FGGY: variants seen among roughly 807,000 people sequenced by gnomAD.
FGGY encodes FGGY carbohydrate kinase domain containing.
A neutral mutation model predicts 71.3 loss-of-function variants in FGGY; 72 were observed. That is an observed-to-expected ratio of 1.01 (90% CI 0.84 to 1.23). The LOEUF is 1.23. FGGY is among the 50% of genes most tolerant of loss of function. The pLI, the probability that FGGY is intolerant of heterozygous loss-of-function variation, is 0.00. For missense variants in FGGY, 668 were observed against 682.3 expected (o/e 0.98, Z 0.23); for synonymous variants, 251 against 250.3 (o/e 1.00, Z -0.02).
chr1:59,600,049 C>G (rs1571927293), intron 8 of FGGY, among the ~76,000 whole-genome samples: 1 of 152,238 alleles, frequency 6.6e-6, no homozygotes, highest in South Asian at 2.1e-4. Context: ...ATGAAAGATT[C>G]TCTGAGTGAC....
intron 6 of FGGY, among the ~76,000 whole-genome samples, chr1:59,457,502 T>G (rs971069525): frequency 6.6e-6 from 1 of 152,024 alleles, no homozygotes; most frequent in Admixed American, 6.6e-5. Flanking sequence ...TGTCAGCTAC[T>G]CCGGAGGCTG....
At chr1:59,423,331 T>TC (rs1274304114) in intron 5 of FGGY, among the ~76,000 whole-genome samples, 5 of 152,196 alleles carry the variant, frequency 3.3e-5, no homozygotes, top group African/African-American at 4.8e-5. Context: ...GATTTTTTTT[T>TC]CTTTGGCACC....
intron 15 of FGGY, among the ~76,000 whole-genome samples, chr1:59,760,242 G>A (rs555086746): frequency 5.9e-5 from 9 of 152,256 alleles, no homozygotes; most frequent in African/African-American, 1.9e-4. Context: ...CAAAACTACC[G>A]TGAGGTACCA....
intron 6 of FGGY, among the ~76,000 whole-genome samples, chr1:59,509,649 T>C (rs1352630581): frequency 9.2e-5 from 14 of 152,156 alleles, no homozygotes; most frequent in African/African-American, 2.4e-5. Flanking sequence ...CTGTCCTTGC[T>C]CAAGACGCAT....
chr1:59,380,221 G>A lies in FGGY; in HGVS notation c.554+1384G>A, dbSNP rs1571329305. On this transcript the variant is annotated intron_variant, in intron 5 of 15. Transcript: ENST00000303721. ...TCATGGACATTTGGGTTGATTCCAAGTCTTTGCTATTGTGAATAGTGCCAC... is the reference window on the plus strand; with the variant it reads ...TCATGGACATTTGGGTTGATTCCAAATCTTTGCTATTGTGAATAGTGCCAC... Among the ~76,000 whole-genome samples, 7 of 151,624 alleles carry A rather than the reference G, an allele frequency of 4.6e-5. No homozygotes were observed. In the East Asian group the frequency reaches 1.3e-3, roughly 29 times the overall value.
intron 6 of FGGY, among the ~76,000 whole-genome samples, chr1:59,467,351 G>C (rs907893793): frequency 6.6e-6 from 1 of 152,038 alleles, no homozygotes; most frequent in African/African-American, 2.4e-5. Flanking sequence ...CCTGTCGTGG[G>C]GTGGGGGAAT....
intron 7 of FGGY, among the ~76,000 whole-genome samples, chr1:59,553,653 G>A (rs76274856): frequency 0.067 from 10,261 of 152,238 alleles, 738 homozygotes; most frequent in African/African-American, 0.18. Flanking sequence ...GAGATGTGAT[G>A]TGTTAAACCA....
At chr1:59,305,223 G>A (rs1360414579) in intron 1 of FGGY, among the ~76,000 whole-genome samples, 1 of 152,096 alleles carries the variant, frequency 6.6e-6, no homozygotes, top group Non-Finnish European at 1.5e-5. Flanking sequence ...TAATGTTGAG[G>A]TGGATTCCTT....
At chr1:59,323,540 A>G (rs2046782485) in intron 2 of FGGY, among the ~76,000 whole-genome samples, 1 of 152,196 alleles carries the variant, frequency 6.6e-6, no homozygotes, top group Admixed American at 6.5e-5. Context: ...GGAGGGAAGC[A>G]TTTTTATGTT....
chr1:59,443,805 G>A (rs891042934), intron 5 of FGGY, among the ~76,000 whole-genome samples: 1 of 152,190 alleles, frequency 6.6e-6, no homozygotes, highest in African/African-American at 2.4e-5. Context: ...GAGTGACACT[G>A]GGAAATAGTT....
At chr1:59,297,683 C>T (rs1482987457) in intron 1 of FGGY, among the ~76,000 whole-genome samples, 3 of 151,986 alleles carry the variant, frequency 2.0e-5, no homozygotes, top group Non-Finnish European at 4.4e-5. Context: ...ATTAGCCGGG[C>T]GTGGTGGCGG....
chr1:59,731,363 G>T (rs1011540662), intron 14 of FGGY, among the ~76,000 whole-genome samples: 2 of 152,166 alleles, frequency 1.3e-5, no homozygotes, highest in African/African-American at 2.4e-5. Context: ...AAGGCCTATT[G>T]TGGAAAGTGT....
chr1:59,358,122 A>G (rs1282449659), intron 4 of FGGY, among the ~76,000 whole-genome samples: 1 of 152,230 alleles, frequency 6.6e-6, no homozygotes, highest in East Asian at 1.9e-4. Flanking sequence ...TAGCGTGTAA[A>G]CTGTCAACTT....
chr1:59,452,330 A>G (rs141702363), intron 5 of FGGY, among the ~76,000 whole-genome samples: 23 of 152,278 alleles, frequency 1.5e-4, no homozygotes, highest in Non-Finnish European at 2.6e-4. Context: ...GTCATATGTC[A>G]TATTTCATTT....
rs145856135 is a variant in FGGY, at chr1:59,413,968, C to T, written c.554+35131C>T. Among the ~76,000 whole-genome samples, 681 of 152,232 alleles carry T rather than the reference C, an allele frequency of 4.5e-3. 5 individuals are homozygous for T. The highest frequency in any genetic ancestry group is 0.015 in the African/African-American group (633 of 41,552). On this transcript the variant is annotated intron_variant, in intron 5 of 15. Coordinates refer to ENST00000303721, the MANE Select transcript of FGGY (RefSeq NM_018291.5). ...AGAGTGAGATTTCATCTCAAAAAAA[C>T]CCAAAAAACAGATTTGGCAGTGCTG...
Position 59,746,717 on chromosome 1 carries a change from A to T in FGGY, c.1513-11214A>T, listed in dbSNP as rs548330546. ...CCCTATCTTGCCCAGGCTGGTTTCA[A>T]ACTCGTTTCAAGCGATCCTCCCACC... On this transcript the variant is annotated intron_variant, in intron 14 of 15. Transcript: ENST00000303721. 3.3e-5 allele frequency among the ~76,000 whole-genome samples: 5 copies of T among 152,102 alleles called. No individual in the cohort carries two copies. In the South Asian group the frequency reaches 8.3e-4, roughly 25 times the overall value.
At chr1:59,661,601 G>A (rs1273616669) in intron 12 of FGGY, among the ~76,000 whole-genome samples, 2 of 152,186 alleles carry the variant, frequency 1.3e-5, no homozygotes, top group Non-Finnish European at 2.9e-5. Flanking sequence ...GAGAAAAAAA[G>A]TGTGCATCAG....
rs141567807 is a variant in FGGY, at chr1:59,732,106, C to A, written c.1513-25825C>A. On this transcript the variant is annotated intron_variant, in intron 14 of 15. Transcript: ENST00000303721. The stretch of plus-strand genomic sequence containing the variant: ...AATTGCTGAGTTGCCGCACACAAAG[C>A]ATCTGGTCCAGTTCCTGGCACAGAG... 2.0e-5 allele frequency among the ~76,000 whole-genome samples: 3 copies of A among 152,302 alleles called. No individual in the cohort carries two copies. The East Asian group carries it at 5.8e-4, about 29-fold the overall frequency.
intron 8 of FGGY, among the ~76,000 whole-genome samples, chr1:59,578,790 A>G (rs2096130695): frequency 6.6e-6 from 1 of 152,060 alleles, no homozygotes; most frequent in African/African-American, 2.4e-5. Flanking sequence ...CAGAACACAC[A>G]CAAGGCTGGG....
Sources: gnomAD v4.1 joint callset for allele counts (sites outside exome capture counted in the v4.1 genomes callset) on GRCh38, gnomAD v4.1.1 for gene constraint, MANE v1.5 for transcripts, NCBI Gene and HGNC (gene_info 2026-07-23, HGNC 2026-07-21) for gene names.